UNC13C: variants seen among roughly 807,000 people sequenced by gnomAD.
UNC13C encodes unc-13 homolog C.
UNC13C carries 174 observed loss-of-function variants against 245.4 expected under a neutral mutation model. The ratio of observed to expected loss-of-function variants is 0.71; its 90% confidence interval spans 0.63 to 0.80. The LOEUF (loss-of-function observed/expected upper bound fraction) is 0.80. Ranked by LOEUF, UNC13C falls within the 30% of genes least tolerant of loss-of-function variation. The pLI is 0.00. For synonymous variants in UNC13C, 992 were observed against 895.1 expected (o/e 1.11, Z -1.93); for missense variants, 2,829 against 2,602.9 (o/e 1.09, Z -1.89).
At chr15:54,265,315 G>T in intron 9 of UNC13C, 40 bp from the exon 10 acceptor site, 1 of 1,355,312 alleles carries the variant, frequency 7.4e-7, no homozygotes, top group East Asian at 2.7e-5. Flanking sequence ...TTGTTTCTGA[G>T]GACTCTGTAT....
At chr15:54,430,532 G>T (rs968106624) in intron 19 of UNC13C, among the ~76,000 whole-genome samples, 3 of 151,436 alleles carry the variant, frequency 2.0e-5, no homozygotes, top group Admixed American at 1.3e-4. Context: ...TCATTAGCCT[G>T]TTAAGCCTCT....
intron 2 of UNC13C, among the ~76,000 whole-genome samples, chr15:54,064,800 T>A (rs1242150936): frequency 1.3e-5 from 2 of 152,188 alleles, no homozygotes; most frequent in Admixed American, 1.3e-4. Flanking sequence ...TCACTTTCCA[T>A]GTACTTCCCA....
At chr15:54,407,252 A>C (rs2040313094) in intron 18 of UNC13C, among the ~76,000 whole-genome samples, 1 of 152,204 alleles carries the variant, frequency 6.6e-6, no homozygotes, top group African/African-American at 2.4e-5. Flanking sequence ...GCAATTATTA[A>C]GGCAAATGAA....
At chr15:54,440,201 C>A (rs1051282716) in intron 19 of UNC13C, among the ~76,000 whole-genome samples, 1 of 151,948 alleles carries the variant, frequency 6.6e-6, no homozygotes, top group African/African-American at 2.4e-5. Flanking sequence ...TGAGAAGGTC[C>A]AAGGTGCTCC....
intron 4 of UNC13C, among the ~76,000 whole-genome samples, chr15:54,230,443 TATC>T (rs1357939546): frequency 1.4e-5 from 2 of 145,534 alleles, no homozygotes; most frequent in African/African-American, 2.6e-5. Context: ...TTCAATATGT[TATC>T]AGTCAATTTT....
At chr15:54,150,762 C>T (rs2032479083) in intron 4 of UNC13C, among the ~76,000 whole-genome samples, 2 of 152,082 alleles carry the variant, frequency 1.3e-5, no homozygotes, top group South Asian at 2.1e-4. Flanking sequence ...TGAGACCTCA[C>T]AACCCCAGAC....
chr15:54,014,300 C>G lies in UNC13C; in HGVS notation c.1397C>G (p.Ala466Gly). The change falls in exon 2 of 33, where the codon GCT becomes GGT. Residue 466 changes from alanine to glycine, a missense_variant. Transcript: ENST00000260323. The part of the protein sequence containing the change: ...LESDLNRNSY[A>G]VLSKSELLTK... The stretch of plus-strand genomic sequence containing the variant: ...TCTGACCTCAATAGAAACAGTTACG[C>G]TGTGCTTTCCAAGTCAGAGCTTCTA... 3 of 1,613,918 alleles carry G rather than the reference C, an allele frequency of 1.9e-6. No homozygotes were observed. The highest frequency in any genetic ancestry group is 2.5e-6 in the Non-Finnish European group (3 of 1,179,842).
At chr15:54,292,329 T>A (rs979055449) in intron 10 of UNC13C, among the ~76,000 whole-genome samples, 1 of 151,956 alleles carries the variant, frequency 6.6e-6, no homozygotes, top group Non-Finnish European at 1.5e-5. Flanking sequence ...CACACTGTCC[T>A]GTACATGGTG....
intron 1 of UNC13C, among the ~76,000 whole-genome samples, 145 bp downstream of exon 1, chr15:53,979,072 C>A (rs1473326125): frequency 3.3e-5 from 5 of 152,096 alleles, no homozygotes; most frequent in Non-Finnish European, 4.4e-5. Context: ...AAAATCTCGG[C>A]TCTCCTGTTT....
At chr15:54,532,848 G>A in intron 25 of UNC13C, 69 bp from the exon 26 acceptor site, 1 of 1,044,602 alleles carries the variant, frequency 9.6e-7, no homozygotes, top group Non-Finnish European at 1.4e-6. Flanking sequence ...AAAATCCTCA[G>A]GGTGAAATTG....
At chr15:54,499,906 G>A (rs1567330386) in intron 20 of UNC13C, among the ~76,000 whole-genome samples, 173 bp from the exon 21 acceptor site, 3 of 152,094 alleles carry the variant, frequency 2.0e-5, no homozygotes, top group Admixed American at 1.3e-4. Context: ...TAAAGAGGAG[G>A]AGACTGATTT....
At chr15:53,934,459 C>T in the UNC13C span, among the ~76,000 whole-genome samples, 13 of 152,036 alleles carry the variant, frequency 8.6e-5, no homozygotes, top group African/African-American at 7.2e-5. Context: ...ACATGTTTGC[C>T]GAGTGCGTGA....
upstream of UNC13C, among the ~76,000 whole-genome samples, chr15:53,976,473 C>CTTT (rs1164175117): frequency 3.6e-5 from 1 of 27,522 alleles, no homozygotes; most frequent in Non-Finnish European, 1.2e-4. Flanking sequence ...CTCTCTCTCT[C>CTTT]TCTCTTTTTT....
chr15:54,599,038 C>T (rs1246439293), intron 30 of UNC13C, among the ~76,000 whole-genome samples: 2 of 152,094 alleles, frequency 1.3e-5, no homozygotes, highest in Non-Finnish European at 2.9e-5. Context: ...CTTAATTTCT[C>T]ATAATAATCA....
chr15:54,194,641 A>T (rs779670159), intron 4 of UNC13C, among the ~76,000 whole-genome samples: 41 of 152,222 alleles, frequency 2.7e-4, no homozygotes, highest in Admixed American at 5.9e-4. Flanking sequence ...AGATCTGGGT[A>T]AAAGGACATG....
intron 2 of UNC13C, among the ~76,000 whole-genome samples, chr15:54,055,351 G>C (rs1897463047): frequency 1.3e-5 from 2 of 152,172 alleles, no homozygotes; most frequent in South Asian, 4.1e-4. Flanking sequence ...CATTTCTCTA[G>C]TAAAGTTACA....
chr15:54,601,391 G>C (rs1899413168), intron 30 of UNC13C, among the ~76,000 whole-genome samples: 1 of 152,118 alleles, frequency 6.6e-6, no homozygotes, highest in Non-Finnish European at 1.5e-5. Context: ...AAAGTGCTGT[G>C]GTTTAGAGGA....
At chr15:54,009,464 T>A (rs1485737800) in intron 1 of UNC13C, among the ~76,000 whole-genome samples, 1 of 152,130 alleles carries the variant, frequency 6.6e-6, no homozygotes, top group African/African-American at 2.4e-5. Flanking sequence ...CTTACAACTA[T>A]CCTATGAGGA....
At chr15:54,234,550 T>C (rs950774091) in intron 4 of UNC13C, among the ~76,000 whole-genome samples, 4 of 152,192 alleles carry the variant, frequency 2.6e-5, no homozygotes, top group African/African-American at 9.6e-5. Context: ...ATTACCAATA[T>C]CTTAAATATG....
Sources: allele counts gnomAD v4.1 joint callset (sites outside exome capture counted in the v4.1 genomes callset), GRCh38; gene constraint gnomAD v4.1.1; transcripts MANE v1.5; gene names NCBI Gene and HGNC (gene_info 2026-07-23, HGNC 2026-07-21).